GC: variants seen among roughly 807,000 people sequenced by gnomAD.
GC encodes the protein vitamin D-binding protein.
GC carries 43 observed loss-of-function variants against 56.7 expected under a neutral mutation model. The observed-to-expected ratio is 0.76, with a 90% confidence interval of 0.59 to 0.98. GC has a LOEUF of 0.98. Ranked by LOEUF, GC falls within the 50% of genes least tolerant of loss-of-function variation. The probability of loss-of-function intolerance (pLI) is 0.00; values close to 1 mark genes in which losing one functional copy is unlikely to be tolerated. For missense variants in GC, 529 were observed against 545.9 expected, an observed-to-expected ratio of 0.97 and a Z score of 0.31; for synonymous variants, 216 against 202.7, an observed-to-expected ratio of 1.07 and a Z score of -0.56.
intron 10 of GC, among the ~76,000 whole-genome samples, chr4:71,753,743 A>G (rs770642842): frequency 4.6e-5 from 7 of 152,226 alleles, no homozygotes; most frequent in Non-Finnish European, 1.0e-4. Context: ...TAGGGAATAT[A>G]TGCTGGTGAT....
chr4:71,796,614 C>T (rs914496966), intron 1 of GC, among the ~76,000 whole-genome samples: 1 of 152,152 alleles, frequency 6.6e-6, no homozygotes, highest in Non-Finnish European at 1.5e-5. Context: ...AGAACATGCT[C>T]CTTTAGTTTG....
intron 5 of GC, 139 bp from the exon 6 acceptor site, chr4:71,763,641 T>C (rs1437374641): frequency 1.3e-6 from 1 of 758,864 alleles, no homozygotes; most frequent in South Asian, 1.8e-5. Flanking sequence ...CTTATTGATA[T>C]TACTTTTCCA....
intron 1 of GC, among the ~76,000 whole-genome samples, chr4:71,793,552 T>G (rs961443453): frequency 6.6e-6 from 1 of 152,244 alleles, no homozygotes; most frequent in Non-Finnish European, 1.5e-5. Context: ...CAGGAGGTTT[T>G]GGGCTGAGAC....
intron 1 of GC, chr4:71,769,710 G>A: frequency 4.8e-6 from 1 of 208,586 alleles, no homozygotes; most frequent in Non-Finnish European, 9.8e-6. Flanking sequence ...CAACTATTAG[G>A]TCCTATCTTT....
At chr4:71,768,874 G>A (rs1258104441) in intron 2 of GC, among the ~76,000 whole-genome samples, 1 of 152,182 alleles carries the variant, frequency 6.6e-6, no homozygotes, top group East Asian at 1.9e-4. Flanking sequence ...TGAAAAAAAT[G>A]AGGTTTAATT....
chr4:71,757,074 C>T lies in GC; in HGVS notation c.832-160G>A, dbSNP rs557978017. ...TACAATATTTGGAAAGGCAGTTTGT[C>T]AATATGTACTAAAAGTCTTAAAAAT... On this transcript the variant is annotated intron_variant, in intron 7 of 12. Transcript: ENST00000273951. 2.0e-5 allele frequency among the ~76,000 whole-genome samples: 3 copies of T among 152,082 alleles called. No individual in the cohort carries two copies. The South Asian group carries it at 6.2e-4, about 32-fold the overall frequency.
chr4:71,748,348 A>G (rs1741442195), intron 11 of GC, among the ~76,000 whole-genome samples: 1 of 152,098 alleles, frequency 6.6e-6, no homozygotes, highest in Non-Finnish European at 1.5e-5. Context: ...GGGGGTAGAC[A>G]GTATATCACT....
intron 6 of GC, among the ~76,000 whole-genome samples, chr4:71,758,890 T>A (rs1439062966): frequency 6.6e-6 from 1 of 152,146 alleles, no homozygotes; most frequent in Non-Finnish European, 1.5e-5. Context: ...CATGCAAAAC[T>A]AAAACTCTGT....
At chr4:71,767,674 A>G (rs1016886468) in intron 3 of GC, among the ~76,000 whole-genome samples, 6 of 149,890 alleles carry the variant, frequency 4.0e-5, no homozygotes, top group African/African-American at 1.5e-4. Context: ...TTTAATTTCA[A>G]TAGTTTTGGG....
intron 8 of GC, 28 bp downstream of exon 8, chr4:71,756,684 A>G (rs989983527): frequency 1.3e-6 from 2 of 1,518,916 alleles, no homozygotes; most frequent in Non-Finnish European, 9.1e-7. Flanking sequence ...TTAAAATGGG[A>G]AAACGTTTTC....
At chr4:71,797,570 T>C (rs1186919932) in intron 1 of GC, among the ~76,000 whole-genome samples, 1 of 152,192 alleles carries the variant, frequency 6.6e-6, no homozygotes, top group Non-Finnish European at 1.5e-5. Flanking sequence ...CCAGGTACAT[T>C]CTGTCACGGC....
intron 1 of GC, among the ~76,000 whole-genome samples, chr4:71,800,700 AGTGTAAAAGT>A (rs1488727036): frequency 1.3e-5 from 2 of 152,210 alleles, no homozygotes; most frequent in African/African-American, 4.8e-5. Context: ...TTCCACCAAC[AGTGTAAAAGT>A]GTTCCTATTT....
rs754506044 is a variant in GC, at chr4:71,752,593, C to T, written c.1320G>A (p.Lys440=). The T allele has an allele frequency of 4.3e-6, 7 of 1,613,472 alleles. No homozygotes were observed. The South Asian group carries it at 6.6e-5, about 15-fold the overall frequency. The change falls in exon 11 of 13, where the codon AAG becomes AAA. Residue 440 remains lysine (K), a synonymous_variant. Coordinates refer to ENST00000273951, the MANE Select transcript of GC (RefSeq NM_000583.4). ...LPDATPTELA[K]LVNKHSDFAS... is the part of the protein sequence containing the mutation. Reference sequence around the variant, plus strand: ...CAAAGTCTGAGTGCTTGTTAACCAGCTTTGCCAGTTCCGTGGGTGTGGCAT... The same window carrying T: ...CAAAGTCTGAGTGCTTGTTAACCAGTTTTGCCAGTTCCGTGGGTGTGGCAT...
Position 71,756,812 on chromosome 4 carries a change from T to C in GC, c.934A>G (p.Thr312Ala), listed in dbSNP as rs1390284665. ...EKTAMDVFVC[T>A]YFMPAAQLPE... ...AGTTGGGCAGCTGGCATGAAGTAAG[T>C]GCACACAAAAACGTCCATGGCTGTT... The change falls in exon 8 of 13, where the codon ACT (threonine) becomes GCT (alanine). Residue 312 changes from threonine (T) to alanine (A), a missense_variant. Transcript: ENST00000273951. The C allele has an allele frequency of 9.3e-6, 15 of 1,613,302 alleles. No individual in the cohort carries two copies. Among genetic ancestry groups the C allele is most frequent in the Non-Finnish European group, 1.3e-5 (15 of 1,179,304 alleles).
chr4:71,802,762 A>C (rs1743281424), intron 1 of GC, among the ~76,000 whole-genome samples: 1 of 152,206 alleles, frequency 6.6e-6, no homozygotes, highest in South Asian at 2.1e-4. Context: ...CATTCAGTGA[A>C]ACAATCATCT....
At position 71,795,265 on chromosome 4, in the gene GC, G is replaced by A. The variant is rs113273604; in HGVS notation, c.21+8661C>T. Reference sequence around the variant, plus strand: ...CTAATATTGACAGTGGCATGTTAAAGTCTCCCATTATTATTGTGTGGGAGT... The same window carrying A: ...CTAATATTGACAGTGGCATGTTAAAATCTCCCATTATTATTGTGTGGGAGT... On this transcript the variant is annotated intron_variant, in intron 1 of 13. Transcript: ENST00000504199. Among the ~76,000 whole-genome samples the A allele has an allele frequency of 1.7e-4, 26 of 152,266 alleles. 2 individuals are homozygous for A. Among genetic ancestry groups the A allele is most frequent in the African/African-American group, 6.3e-4 (26 of 41,556 alleles).
At chr4:71,792,214 A>G (rs574971459) in intron 1 of GC, among the ~76,000 whole-genome samples, 2 of 152,218 alleles carry the variant, frequency 1.3e-5, no homozygotes, top group Non-Finnish European at 2.9e-5. Flanking sequence ...TGGTATTTCC[A>G]GTTCTAGATC....
At chr4:71,790,314 C>T (rs1393590445) in intron 1 of GC, among the ~76,000 whole-genome samples, 1 of 151,978 alleles carries the variant, frequency 6.6e-6, no homozygotes, top group East Asian at 1.9e-4. Flanking sequence ...ATAGCCATGA[C>T]AACTTTCTTA....
chr4:71,754,947 G>A (rs1741674753), intron 9 of GC, 31 bp downstream of exon 9: 3 of 1,503,504 alleles, frequency 2.0e-6, no homozygotes, highest in African/African-American at 1.4e-5. Context: ...CTTGATCTAT[G>A]TGCTTGATAA....
Sources: allele counts gnomAD v4.1 joint callset (sites outside exome capture counted in the v4.1 genomes callset), GRCh38; gene constraint gnomAD v4.1.1; transcripts MANE v1.5; gene names NCBI Gene and HGNC (gene_info 2026-07-23, HGNC 2026-07-21).